The following YIF1A variants were observed in gnomAD, a reference collection of about 807,000 sequenced individuals.
The protein encoded by YIF1A is protein YIF1A.
Under a neutral mutation model 32.6 loss-of-function variants are expected in YIF1A, and 28 were observed. That is an observed-to-expected ratio of 0.86 (90% CI 0.64 to 1.18). The LOEUF (loss-of-function observed/expected upper bound fraction) is 1.18. Ranked by LOEUF, YIF1A falls within the 50% of genes most tolerant of loss-of-function variation. The probability of loss-of-function intolerance (pLI) is 0.00; values close to 1 mark genes in which losing one functional copy is unlikely to be tolerated. For synonymous variants in YIF1A, 175 were observed against 162.2 expected (o/e 1.08, Z -0.60); for missense variants, 373 against 390.8 (o/e 0.95, Z 0.38).
Position 66,288,138 on chromosome 11 carries a change from C to T in YIF1A, c.186G>A (p.Val62=), listed in dbSNP as rs1460996349. ...CGATGGAGCTGCCATAGGCCATAGC[C>T]ACATTGGCCATTGGGTCCCCAAGCA... ...NHLLGDPMAN[V]AMAYGSSIAS... The change falls in exon 2 of 8, where the codon GTG becomes GTA. Residue 62 remains valine, a synonymous_variant. Transcript: ENST00000376901. 1 of 1,614,026 alleles carries T rather than the reference C, an allele frequency of 6.2e-7. No homozygotes were observed. The highest frequency in any genetic ancestry group is 1.3e-5 in the African/African-American group (1 of 74,944).
In YIF1A at chr11:66,289,024, G is replaced by A; in HGVS notation, c.-39C>T. ...GCTGTCCCCGAGGGCCCGCTGCGCC[G>A]CCTCGTGGGTACGAATACTAATGAG... On this transcript the variant is annotated 5_prime_UTR_variant, in exon 1 of 8. Transcript: ENST00000376901. 3 of 1,569,102 alleles carry A rather than the reference G, an allele frequency of 1.9e-6. No individual in the cohort carries two copies. The highest frequency in any genetic ancestry group is 1.4e-5 in the African/African-American group (1 of 72,114).
chr11:66,285,050 C>CA, intron 6 of YIF1A, 84 bp from the exon 7 acceptor site: 1 of 1,368,790 alleles, frequency 7.3e-7, no homozygotes, highest in Non-Finnish European at 1.0e-6. Context: ...CAGAGCCCAG[C>CA]TAGACCCCAC....
At position 66,288,094 on chromosome 11, in the gene YIF1A, A is replaced by C. The variant is rs140273515; in HGVS notation, c.230T>G (p.Met77Arg). The C allele has an allele frequency of 1.2e-6, 2 of 1,613,660 alleles. No individual in the cohort carries two copies. The highest frequency in any genetic ancestry group is 2.7e-5 in the African/African-American group (2 of 75,050). The stretch of plus-strand genomic sequence containing the variant: ...GGCAGGCCACACCTCCTTGTGCACC[A>C]TGTCCTTCCCATGGGATGCGATGGA... ...GSSIASHGKD[M>R]VHKELHRFVS... The change falls in exon 2 of 8, where the codon ATG becomes AGG. Residue 77 changes from methionine to arginine, a missense_variant. Transcript: ENST00000376901.
intron 4 of YIF1A, among the ~76,000 whole-genome samples, chr11:66,286,445 T>C (rs1193609118): frequency 6.6e-6 from 1 of 152,134 alleles, no homozygotes; most frequent in Non-Finnish European, 1.5e-5. Flanking sequence ...GGCAAAACCC[T>C]GTCTCTACTA....
chr11:66,286,150 G>A (rs1196015936), intron 4 of YIF1A, among the ~76,000 whole-genome samples: 1 of 152,276 alleles, frequency 6.6e-6, no homozygotes, highest in Non-Finnish European at 1.5e-5. Context: ...CTGGGGTCAT[G>A]GAGATGACCT....
Position 66,288,967 on chromosome 11 carries a change from A to T in YIF1A, c.19T>A (p.Tyr7Asn). MAYHSG[Y>N]GAHGSKHRAR... ...GCGCCCCACGCACCGTGGGCTCCGT[A>T]GCCCGAGTGATAAGCCATGGCCGCG... The change falls in exon 1 of 8, where the codon TAC (tyrosine) becomes AAC (asparagine). Residue 7 changes from tyrosine (Y) to asparagine (N), a missense_variant. By Grantham distance (143) the Tyr-to-Asn change is moderately radical. Transcript: ENST00000376901. The T allele has an allele frequency of 3.8e-6, 6 of 1,570,174 alleles. No individual in the cohort carries two copies. In the South Asian group the frequency reaches 5.8e-5, roughly 15 times the overall value.
At chr11:66,286,531 G>A (rs1234866541) in intron 4 of YIF1A, among the ~76,000 whole-genome samples, 1 of 152,236 alleles carries the variant, frequency 6.6e-6, no homozygotes, top group Non-Finnish European at 1.5e-5. Context: ...GACTGAGGCA[G>A]GAGGATCACC....
At chr11:66,285,271 GCAGT>G in intron 6 of YIF1A, 106 bp downstream of exon 6, 1 of 1,454,204 alleles carries the variant, frequency 6.9e-7, no homozygotes, top group Non-Finnish European at 9.3e-7. Context: ...TCTTAACAGA[GCAGT>G]GCTAGAGGTC....
Position 66,288,214 on chromosome 11 carries a change from G to A in YIF1A, c.110C>T (p.Pro37Leu), listed in dbSNP as rs11544832. The A allele has an allele frequency of 0.043, 68,875 of 1,614,052 alleles. 1,987 individuals carry two copies. Among genetic ancestry groups the A allele is most frequent in the Non-Finnish European group, 0.048 (56,135 of 1,180,034 alleles). Residue 37 changes from proline to leucine, a missense_variant, in exon 2 of 8, where the codon CCC becomes CTC. Physicochemically the swap from Pro to Leu is moderately conservative, Grantham distance 98. Transcript: ENST00000376901. ...DDTSGGYSSQ[P>L]GGYPATGADV... ...TGCTCCTGTGGCTGGGTATCCCCCGGGCTGGCTGGAATAACCACCGCTTGT... is the reference window on the plus strand; with the variant it reads ...TGCTCCTGTGGCTGGGTATCCCCCGAGCTGGCTGGAATAACCACCGCTTGT...
In YIF1A at chr11:66,284,977, G is replaced by C. The variant is rs759176876; in HGVS notation, c.642-11C>G. 12 of 1,612,686 alleles carry C rather than the reference G, an allele frequency of 7.4e-6. No individual in the cohort carries two copies. Among genetic ancestry groups the C allele is most frequent in the Middle Eastern group, 1.6e-4 (1 of 6,076 alleles). On this transcript the variant is annotated splice_polypyrimidine_tract_variant and intron_variant, in intron 6 of 7. Coordinates refer to ENST00000376901, the MANE Select transcript of YIF1A (RefSeq NM_020470.3). ...ACACTGAGGATCATTCTGGGGGTGG[G>C]AGGAGGAAAGGGTTGGTGACCCCCA...
At chr11:66,287,756 G>T (rs1857381171) in intron 3 of YIF1A, 56 bp downstream of exon 3, 1 of 1,609,216 alleles carries the variant, frequency 6.2e-7, no homozygotes, top group Non-Finnish European at 8.5e-7. Context: ...GAGGTCTGGG[G>T]GCCAGACTCG....
Position 66,287,113 on chromosome 11 carries a change from G to A in YIF1A, c.427+485C>T, listed in dbSNP as rs958045602. On this transcript the variant is annotated intron_variant, in intron 4 of 7. Transcript: ENST00000376901. Reference sequence around the variant, plus strand: ...AGGCTTCTTGGAAGAAGGGATAACAGAGCACGCCTTGGAGGACAAGCAATA... The same window carrying A: ...AGGCTTCTTGGAAGAAGGGATAACAAAGCACGCCTTGGAGGACAAGCAATA... 3.1e-5 allele frequency: 5 copies of A among 162,276 alleles called. 1 individual carries two copies. In the South Asian group the frequency reaches 8.1e-4, roughly 26 times the overall value. The allele number at this position is 162,276 out of a possible 1,614,324, so 10.1% of individuals were successfully genotyped here. A position where few individuals can be genotyped will look rare whatever the true frequency, so the allele number is the denominator to read the frequency against.
rs751261803 is a variant in YIF1A at position 66,284,641 on chromosome 11, CG to C, written c.877del (p.Arg293GlyfsTer15). 6 of 1,612,660 alleles carry C rather than the reference CG, an allele frequency of 3.7e-6. No individual in the cohort carries two copies. Among genetic ancestry groups the C allele is most frequent in the East Asian group, 4.5e-5 (2 of 44,876 alleles). ...GTGCCATCTGGGGCCAGGGGGTCACCGGACCAGGTGGAAAGTCAGCCAGTAT... is the reference window on the plus strand; with the variant it reads ...GTGCCATCTGGGGCCAGGGGGTCACCGACCAGGTGGAAAGTCAGCCAGTAT... Reference protein sequence around the residue: ...IIYWLTFHLVR With the variant: ...IIYWLTFHLVX On this transcript the variant is annotated frameshift_variant, in exon 8 of 8. Coordinates refer to ENST00000376901, the MANE Select transcript of YIF1A (RefSeq NM_020470.3). LOFTEE classifies it high-confidence loss of function.
At chr11:66,285,789 T>C in intron 4 of YIF1A, 31 bp from the exon 5 acceptor site, 2 of 1,611,006 alleles carry the variant, frequency 1.2e-6, no homozygotes, top group Non-Finnish European at 1.7e-6. Flanking sequence ...GCCATCAGCT[T>C]GGCTTCCTCC....
rs1857415056 is a variant in YIF1A at position 66,289,110 on chromosome 11, C to A, written c.-125G>T. The A allele has an allele frequency of 1.5e-6, 2 of 1,333,894 alleles. No homozygotes were observed. Among genetic ancestry groups the A allele is most frequent in the African/African-American group, 1.5e-5 (1 of 64,822 alleles). 82.6% of individuals were successfully genotyped at this position (1,333,894 alleles called of 1,614,324 possible). On this transcript the variant is annotated 5_prime_UTR_variant, in exon 1 of 8. Transcript: ENST00000376901. ...ACCCGGCCGCGCGACACGTCCCCCA[C>A]CCCGCCGGTCTCGGCCACCATGTCC...
intron 1 of YIF1A, among the ~76,000 whole-genome samples, chr11:66,288,628 C>G (rs1857401701): frequency 6.6e-6 from 1 of 152,230 alleles, no homozygotes; most frequent in African/African-American, 2.4e-5. Context: ...GGAGGGCATC[C>G]TTCCGTGAAC....
rs868204861 is a variant in YIF1A at position 66,288,073 on chromosome 11, G to A, written c.243+8C>T. ...TTCTGCCACCCGTGCCCCGGGGGCAGGCCACACCTCCTTGTGCACCATGTC... is the reference window on the plus strand; with the variant it reads ...TTCTGCCACCCGTGCCCCGGGGGCAAGCCACACCTCCTTGTGCACCATGTC... On this transcript the variant is annotated splice_region_variant and intron_variant, in intron 2 of 7. Transcript: ENST00000376901. 1 of 1,612,718 alleles carries A rather than the reference G, an allele frequency of 6.2e-7. No individual in the cohort carries two copies. Among genetic ancestry groups the A allele is most frequent in the Non-Finnish European group, 8.5e-7 (1 of 1,179,736 alleles).
Position 66,285,453 on chromosome 11 carries a change from A to G in YIF1A, c.569T>C (p.Leu190Pro). The G allele has an allele frequency of 1.2e-6, 2 of 1,613,382 alleles. No homozygotes were observed. The highest frequency in any genetic ancestry group is 1.7e-6 in the Non-Finnish European group (2 of 1,180,024). ...GTCACTGCGCACGGTGGCCAGGTAG[A>G]GGCCCAGGAGCAGGGCCAGCACCTC... ...VMEVLALLLGLYLATVRSDLS... is the reference protein window; with the variant it reads ...VMEVLALLLGPYLATVRSDLS... Residue 190 changes from leucine to proline, a missense_variant, in exon 6 of 8, where the codon CTC becomes CCC. Transcript: ENST00000376901.
intron 6 of YIF1A, 127 bp downstream of exon 6, chr11:66,285,254 T>C: frequency 7.2e-7 from 1 of 1,382,120 alleles, no homozygotes; most frequent in Non-Finnish European, 9.9e-7. Context: ...TGGAGACAGC[T>C]GCTCCCTCTT....
Sources: gnomAD v4.1 joint callset for allele counts (sites outside exome capture counted in the v4.1 genomes callset) on GRCh38, gnomAD v4.1.1 for gene constraint, MANE v1.5 for transcripts, NCBI Gene and HGNC (gene_info 2026-07-23, HGNC 2026-07-21) for gene names.